KIZ: variants seen among roughly 807,000 people sequenced by gnomAD.
KIZ encodes centrosomal protein kizuna.
KIZ carries 68 observed loss-of-function variants against 79.6 expected under a neutral mutation model. The ratio of observed to expected loss-of-function variants is 0.85; its 90% CI spans 0.70 to 1.05. The LOEUF is 1.05. Ranked by LOEUF, KIZ falls within the 50% of genes least tolerant of loss-of-function variation. The pLI is 0.00. For missense variants in KIZ, 797 were observed against 800.4 expected, an observed-to-expected ratio of 1.00 and a Z score of 0.05; for synonymous variants, 280 against 281.8, an observed-to-expected ratio of 0.99 and a Z score of 0.06.
At chr20:21,243,330 CA>C (rs1756136851) in intron 11 of KIZ, among the ~76,000 whole-genome samples, 2 of 151,516 alleles carry the variant, frequency 1.3e-5, no homozygotes, top group Non-Finnish European at 2.9e-5. Context: ...TAAATTATAG[CA>C]AAACGTAGAT....
At chr20:21,213,168 G>A (rs192994223) in intron 7 of KIZ, among the ~76,000 whole-genome samples, 15 of 152,272 alleles carry the variant, frequency 9.9e-5, no homozygotes, top group Non-Finnish European at 2.1e-4. Flanking sequence ...AACTCTGCAG[G>A]GAAGTCAGGA....
intron 7 of KIZ, among the ~76,000 whole-genome samples, chr20:21,207,894 G>A (rs1006919593): frequency 6.6e-6 from 1 of 151,950 alleles, no homozygotes; most frequent in African/African-American, 2.4e-5. Context: ...TGTATTTTTA[G>A]TAGAGACAGG....
At chr20:21,173,415 T>C (rs1371417401) in intron 6 of KIZ, among the ~76,000 whole-genome samples, 4 of 151,498 alleles carry the variant, frequency 2.6e-5, no homozygotes, top group Non-Finnish European at 4.4e-5. Flanking sequence ...CCATCTCTAC[T>C]AAAAATATAA....
chr20:21,136,031 G>A (rs1300034131), intron 2 of KIZ, among the ~76,000 whole-genome samples: 1 of 152,102 alleles, frequency 6.6e-6, no homozygotes, highest in African/African-American at 2.4e-5. Flanking sequence ...ATTGTCATAT[G>A]TAAGAATGTT....
At chr20:21,224,611 A>G (rs1294420898) in intron 9 of KIZ, among the ~76,000 whole-genome samples, 2 of 152,160 alleles carry the variant, frequency 1.3e-5, no homozygotes, top group Non-Finnish European at 2.9e-5. Flanking sequence ...AGCTGTAGTG[A>G]TAGTATTGTT....
intron 3 of KIZ, among the ~76,000 whole-genome samples, chr20:21,142,249 T>C (rs184661454): frequency 3.9e-5 from 6 of 152,226 alleles, no homozygotes; most frequent in Non-Finnish European, 2.9e-5. Context: ...TAGGTCTGTG[T>C]CATAATTATC....
At chr20:21,129,304 A>G (rs911128356) in intron 1 of KIZ, among the ~76,000 whole-genome samples, 1 of 152,210 alleles carries the variant, frequency 6.6e-6, no homozygotes, top group Non-Finnish European at 1.5e-5. Context: ...TGAGCAGCAG[A>G]TGTCTGCATC....
At chr20:21,130,458 A>G (rs927911691) in intron 1 of KIZ, among the ~76,000 whole-genome samples, 2 of 152,156 alleles carry the variant, frequency 1.3e-5, no homozygotes, top group Non-Finnish European at 2.9e-5. Context: ...CAAGTACCCA[A>G]TTGATCATGA....
chr20:21,229,384 C>T (rs955995053), intron 10 of KIZ, among the ~76,000 whole-genome samples: 9 of 152,226 alleles, frequency 5.9e-5, no homozygotes, highest in African/African-American at 2.2e-4. Flanking sequence ...TGACTTGTCA[C>T]CAGTGACCCT....
intron 6 of KIZ, among the ~76,000 whole-genome samples, chr20:21,166,926 T>C (rs1274394122): frequency 6.6e-6 from 1 of 152,170 alleles, no homozygotes; most frequent in Non-Finnish European, 1.5e-5. Context: ...GCTAAGATAC[T>C]CTCTTGTTTC....
intron 11 of KIZ, among the ~76,000 whole-genome samples, chr20:21,243,044 AGT>A (rs978579476): frequency 1.3e-5 from 2 of 152,034 alleles, no homozygotes; most frequent in Admixed American, 1.3e-4. Flanking sequence ...AGTTGCATTT[AGT>A]GTGTGTGTGA....
intron 9 of KIZ, among the ~76,000 whole-genome samples, chr20:21,216,928 C>G (rs963000484): frequency 6.6e-6 from 1 of 152,148 alleles, no homozygotes; most frequent in Admixed American, 6.5e-5. Context: ...TGTATTTTCT[C>G]ATATACTTTC....
chr20:21,233,963 T>G (rs1458013054), intron 11 of KIZ, among the ~76,000 whole-genome samples: 13 of 152,172 alleles, frequency 8.5e-5, no homozygotes, highest in Admixed American at 8.5e-4. Context: ...AGTGTTAAAG[T>G]ATTATGTTAT....
At chr20:21,193,161 T>A (rs575674291) in intron 6 of KIZ, among the ~76,000 whole-genome samples, 97 of 152,296 alleles carry the variant, frequency 6.4e-4, no homozygotes, top group Middle Eastern at 3.4e-3. Context: ...AGCCCCAATG[T>A]TGGCAAATTT....
chr20:21,141,198 T>C (rs2032505572), intron 3 of KIZ, among the ~76,000 whole-genome samples: 1 of 152,140 alleles, frequency 6.6e-6, no homozygotes, highest in African/African-American at 2.4e-5. Flanking sequence ...ATTATCCTTG[T>C]CTCAGGTTGG....
chr20:21,192,685 A>G (rs2035164578), intron 6 of KIZ, among the ~76,000 whole-genome samples: 1 of 152,222 alleles, frequency 6.6e-6, no homozygotes, highest in Admixed American at 6.5e-5. Flanking sequence ...GCACAGGGAA[A>G]TTGCAGAAGA....
intron 11 of KIZ, among the ~76,000 whole-genome samples, chr20:21,240,980 C>T (rs1008664183): frequency 4.6e-5 from 7 of 152,212 alleles, no homozygotes; most frequent in African/African-American, 1.2e-4. Context: ...CCTTTGCCAA[C>T]GTCTGCCTTA....
At chr20:21,150,553 A>G (rs1409342579) in intron 4 of KIZ, among the ~76,000 whole-genome samples, 1 of 152,256 alleles carries the variant, frequency 6.6e-6, no homozygotes, top group Non-Finnish European at 1.5e-5. Context: ...GTCAAAAAGT[A>G]GCCTCTCTGT....
chr20:21,228,866 G>T (rs2036738884), intron 9 of KIZ, 145 bp from the exon 10 acceptor site: 3 of 556,234 alleles, frequency 5.4e-6, no homozygotes, highest in African/African-American at 1.9e-5. Flanking sequence ...TTTTTTGTTT[G>T]TTTTCAGAAT....
Sources: allele counts gnomAD v4.1 joint callset (sites outside exome capture counted in the v4.1 genomes callset), GRCh38; gene constraint gnomAD v4.1.1; transcripts MANE v1.5; gene names NCBI Gene and HGNC (gene_info 2026-07-23, HGNC 2026-07-21).